Variants in XRN2 observed in about 807,000 individuals in gnomAD.
The protein encoded by XRN2 is 5'-3' exoribonuclease 2, also known as DHM1-like protein.
Under a neutral mutation model 138.5 loss-of-function variants are expected in XRN2, and 44 were observed. The ratio of observed to expected loss-of-function variants is 0.32; its 90% confidence interval spans 0.25 to 0.41. The LOEUF is 0.41. Ranked by LOEUF, XRN2 falls within the 10% of genes least tolerant of loss-of-function variation. The probability of loss-of-function intolerance (pLI) is 1.00; values close to 1 mark genes in which losing one functional copy is unlikely to be tolerated. For missense variants in XRN2, 937 were observed against 1,169.3 expected, an observed-to-expected ratio of 0.80 and a Z score of 2.90; for synonymous variants, 354 against 369.4, an observed-to-expected ratio of 0.96 and a Z score of 0.48.
At chr20:21,373,858 T>G (rs2038789494) in intron 27 of XRN2, among the ~76,000 whole-genome samples, 1 of 152,222 alleles carries the variant, frequency 6.6e-6, no homozygotes, top group Non-Finnish European at 1.5e-5. Flanking sequence ...CGTTCTTATA[T>G]TCTGGTTATG....
intron 29 of XRN2, 66 bp downstream of exon 29, chr20:21,387,072 G>A (rs1478090902): frequency 6.5e-6 from 10 of 1,533,434 alleles, no homozygotes; most frequent in Middle Eastern, 1.9e-4. Flanking sequence ...ACAGGACTCC[G>A]TATTTTCTTA....
At chr20:21,320,590 C>T (rs1227609266) in intron 1 of XRN2, among the ~76,000 whole-genome samples, 1 of 150,862 alleles carries the variant, frequency 6.6e-6, no homozygotes, top group East Asian at 2.0e-4. Context: ...TGAGCCACCA[C>T]GCCCGGCCTT....
chr20:21,363,985 G>A (rs1368933918), intron 24 of XRN2, among the ~76,000 whole-genome samples: 3 of 152,028 alleles, frequency 2.0e-5, no homozygotes, highest in Non-Finnish European at 4.4e-5. Flanking sequence ...AGGCTGGAGT[G>A]CAGTGGTGTG....
chr20:21,366,580 A>G (rs927704803), intron 26 of XRN2, among the ~76,000 whole-genome samples: 1 of 151,854 alleles, frequency 6.6e-6, no homozygotes, highest in Non-Finnish European at 1.5e-5. Flanking sequence ...AAAAAGGGAA[A>G]AAAAGAAAAT....
At chr20:21,368,363 T>G in intron 26 of XRN2, 100 bp from the exon 27 acceptor site, 1 of 1,434,638 alleles carries the variant, frequency 7.0e-7, no homozygotes, top group Middle Eastern at 1.9e-4. Context: ...GATCTGTTAG[T>G]GAAGACGTGG....
chr20:21,387,864 G>A (rs950353608), intron 29 of XRN2, among the ~76,000 whole-genome samples: 1 of 152,154 alleles, frequency 6.6e-6, no homozygotes, highest in Admixed American at 6.5e-5. Flanking sequence ...CACAGCTAAG[G>A]AACATATTTT....
chr20:21,372,816 AC>A (rs1186710171), intron 27 of XRN2, among the ~76,000 whole-genome samples: 1 of 150,910 alleles, frequency 6.6e-6, no homozygotes, highest in Non-Finnish European at 1.5e-5. Context: ...TCCAGGCACT[AC>A]CCCCTGCCCA....
At chr20:21,372,582 C>T (rs1432262539) in intron 27 of XRN2, among the ~76,000 whole-genome samples, 1 of 152,108 alleles carries the variant, frequency 6.6e-6, no homozygotes, top group East Asian at 1.9e-4. Context: ...TTCCACAGTC[C>T]CGAAATAAGC....
intron 27 of XRN2, 86 bp from the exon 28 acceptor site, chr20:21,381,908 C>T: frequency 8.9e-7 from 1 of 1,118,536 alleles, no homozygotes; most frequent in Non-Finnish European, 1.2e-6. Flanking sequence ...AGATTTTTTT[C>T]AAGAACTTTT....
chr20:21,303,417 T>C lies in XRN2; in HGVS notation c.19T>C (p.Phe7Leu). 6.5e-7 allele frequency: 1 copy of C among 1,548,938 alleles called. No individual in the cohort carries two copies. Among genetic ancestry groups the C allele is most frequent in the Non-Finnish European group, 8.7e-7 (1 of 1,146,122 alleles). Residue 7 changes from phenylalanine (F) to leucine (L), a missense_variant, in exon 1 of 30, where the codon TTC becomes CTC. Coordinates refer to ENST00000377191, the MANE Select transcript of XRN2 (RefSeq NM_012255.5). Reference protein sequence around the residue: MGVPAFFRWLSRKYPSI... With the variant: MGVPAFLRWLSRKYPSI... ...TGCCGCTATGGGAGTCCCGGCGTTC[T>C]TCCGCTGGCTCAGCCGCAAGTACCC...
In XRN2 at chr20:21,348,339, A is replaced by C; in HGVS notation, c.1774-2A>C. 1 of 1,611,596 alleles carries C rather than the reference A, an allele frequency of 6.2e-7. No individual in the cohort carries two copies. Among genetic ancestry groups the C allele is most frequent in the Non-Finnish European group, 8.5e-7 (1 of 1,179,284 alleles). ...GGTCTTTAATGTTTTTTCTTTTTTC[A>C]GTTTAAACCACTAGAACAACTTATG... On this transcript the variant is annotated splice_acceptor_variant, in intron 18 of 29. Coordinates refer to ENST00000377191, the MANE Select transcript of XRN2 (RefSeq NM_012255.5). LOFTEE classifies it high-confidence loss of function.
At chr20:21,386,506 T>C (rs1445615464) in intron 28 of XRN2, among the ~76,000 whole-genome samples, 1 of 152,224 alleles carries the variant, frequency 6.6e-6, no homozygotes. Flanking sequence ...CATTCTCCTG[T>C]CTTGTACATG....
chr20:21,356,858 G>GGA (rs2038581580), intron 23 of XRN2, among the ~76,000 whole-genome samples, 193 bp downstream of exon 23: 1 of 152,104 alleles, frequency 6.6e-6, no homozygotes, highest in Non-Finnish European at 1.5e-5. Flanking sequence ...CCTTGTGCAG[G>GGA]GAGCTCTGGG....
At chr20:21,360,747 A>G (rs775741756) in intron 24 of XRN2, among the ~76,000 whole-genome samples, 1 of 152,216 alleles carries the variant, frequency 6.6e-6, no homozygotes, top group African/African-American at 2.4e-5. Flanking sequence ...CTTGGCAAGC[A>G]GATAACTCAA....
rs1186995810 is a variant in XRN2 at position 21,334,159 on chromosome 20, A to G, written c.1207A>G (p.Ile403Val). The G allele has an allele frequency of 6.2e-7, 1 of 1,613,822 alleles. No individual in the cohort carries two copies. The highest frequency in any genetic ancestry group is 2.2e-5 in the East Asian group (1 of 44,830). ...AGCAGTTGGTGAAGTTGAGGATAGC[A>G]TTTTTAAAAAGAGAAAGGATGATGA... is the stretch of plus-strand genomic sequence containing the variant. The part of the protein sequence containing the change: ...MLAVGEVEDS[I>V]FKKRKDDEDS... The change falls in exon 13 of 30, where the codon ATT becomes GTT. Residue 403 changes from isoleucine to valine, a missense_variant. By Grantham distance (29) the Ile-to-Val change is conservative. This residue lies in a region of XRN2 where 471 missense variants were observed against 581.2 expected (regional missense o/e 0.81). Coordinates refer to ENST00000377191, the MANE Select transcript of XRN2 (RefSeq NM_012255.5).
intron 20 of XRN2, among the ~76,000 whole-genome samples, chr20:21,353,219 GTAGGATATATATATATATATATATATATA>G (rs2038532295): frequency 1.5e-5 from 2 of 129,246 alleles, no homozygotes; most frequent in Non-Finnish European, 3.2e-5. Flanking sequence ...AATGTAGTGG[GTAGGATATATATATATATATATATATATA>G]TATATATATA....
intron 26 of XRN2, among the ~76,000 whole-genome samples, chr20:21,367,482 A>G (rs1288702620): frequency 1.3e-5 from 2 of 152,044 alleles, no homozygotes; most frequent in Non-Finnish European, 2.9e-5. Flanking sequence ...GATTAAGAGC[A>G]TGGGCTTTAG....
At chr20:21,331,712 G>GAT in intron 7 of XRN2, 56 bp from the exon 8 acceptor site, 1 of 1,590,364 alleles carries the variant, frequency 6.3e-7, no homozygotes, top group Middle Eastern at 1.7e-4. Context: ...GGTATGAAGT[G>GAT]ATATTCTTGT....
chr20:21,333,954 G>A lies in XRN2; in HGVS notation c.1085G>A (p.Arg362His), dbSNP rs371978482. 1.1e-4 allele frequency: 175 copies of A among 1,613,990 alleles called. No individual in the cohort carries two copies. The highest frequency in any genetic ancestry group is 1.4e-4 in the Non-Finnish European group (166 of 1,180,004). Residue 362 changes from arginine to histidine, a missense_variant, in exon 12 of 30, where the codon CGT becomes CAT. Coordinates refer to ENST00000377191, the MANE Select transcript of XRN2 (RefSeq NM_012255.5). ...SLEIRENAID[R>H]LVNIYKNVVH... ...GCTGACAGGGAAAATGCAATTGACCGTTTGGTTAACATATACAAAAATGTG... is the reference window on the plus strand; with the variant it reads ...GCTGACAGGGAAAATGCAATTGACCATTTGGTTAACATATACAAAAATGTG...
Sources: gnomAD v4.1 joint callset for allele counts (sites outside exome capture counted in the v4.1 genomes callset) on GRCh38, gnomAD v4.1.1 for gene constraint, gnomAD v4.1.1 regional missense constraint, MANE v1.5 for transcripts, NCBI Gene and HGNC (gene_info 2026-07-23, HGNC 2026-07-21) for gene names.